Variants in AGBL1 observed in about 807,000 individuals in gnomAD.
AGBL1 encodes cytosolic carboxypeptidase 4.
AGBL1 carries 130 observed loss-of-function variants against 118.9 expected under a neutral mutation model. The observed-to-expected ratio is 1.09, with a 90% CI of 0.95 to 1.26. AGBL1 has a LOEUF of 1.26. Among genes scored for constraint, AGBL1 ranks in the 50% most tolerant of loss-of-function variants. The pLI, the probability that AGBL1 is intolerant of heterozygous loss-of-function variation, is 0.00. For synonymous variants in AGBL1, 555 were observed against 478.9 expected (o/e 1.16, Z -2.08); for missense variants, 1,584 against 1,298.1 (o/e 1.22, Z -3.38).
At chr15:86,689,578 G>A (rs75349411) in intron 22 of AGBL1, among the ~76,000 whole-genome samples, 1 of 152,088 alleles carries the variant, frequency 6.6e-6, no homozygotes, top group East Asian at 1.9e-4. Context: ...TGCAATTGTT[G>A]TTCATTGATG....
intron 5 of AGBL1, among the ~76,000 whole-genome samples, chr15:86,220,114 G>A (rs879530911): frequency 3.9e-5 from 6 of 152,004 alleles, no homozygotes; most frequent in Non-Finnish European, 8.8e-5. Context: ...ACCATGCCCA[G>A]CTAATTTTTT....
At chr15:86,805,457 T>C (rs2078703409) in intron 22 of AGBL1, among the ~76,000 whole-genome samples, 1 of 152,136 alleles carries the variant, frequency 6.6e-6, no homozygotes, top group African/African-American at 2.4e-5. Flanking sequence ...ACTCAGCATC[T>C]AGCCCTCTCT....
chr15:86,364,984 T>TAC (rs1258961620), intron 17 of AGBL1, among the ~76,000 whole-genome samples: 3 of 78,780 alleles, frequency 3.8e-5, no homozygotes, highest in Non-Finnish European at 6.2e-5. Flanking sequence ...TATATATATA[T>TAC]ATATACACAC....
intron 17 of AGBL1, among the ~76,000 whole-genome samples, chr15:86,327,606 T>G (rs1462318087): frequency 6.6e-6 from 1 of 152,196 alleles, no homozygotes; most frequent in Admixed American, 6.5e-5. Flanking sequence ...CAGTGTTTGT[T>G]TATGTTTTCA....
chr15:86,247,043 A>C (rs2078732053), intron 6 of AGBL1, among the ~76,000 whole-genome samples: 1 of 152,184 alleles, frequency 6.6e-6, no homozygotes, highest in Non-Finnish European at 1.5e-5. Flanking sequence ...TCTAATTATG[A>C]ATTTCCTAAA....
rs188186906 is a variant in AGBL1 at position 86,615,558 on chromosome 15, C to T, written c.2995-58715C>T. ...AACCTGAGAAGGCCACACGCCATCC[C>T]GGTGGAGATGGCACAGTGGAGAAGG... On this transcript the variant is annotated intron_variant, in intron 21 of 22. Coordinates refer to ENST00000614907, the MANE Select transcript of AGBL1 (RefSeq NM_001386094.1). This position sits in a 1 kb window ranked among gnomAD's most constrained non-coding sequence, Gnocchi z 4.3. 4.2e-4 allele frequency among the ~76,000 whole-genome samples: 64 copies of T among 152,302 alleles called. 1 individual carries two copies. The highest frequency in any genetic ancestry group is 1.3e-4 in the Non-Finnish European group (9 of 68,026).
chr15:86,780,684 CAG>C (rs1328672860), intron 22 of AGBL1, among the ~76,000 whole-genome samples: 3 of 142,066 alleles, frequency 2.1e-5, no homozygotes, highest in East Asian at 4.2e-4. Context: ...TTTGGTGAGA[CAG>C]AGTCTCGCTC....
intron 21 of AGBL1, among the ~76,000 whole-genome samples, chr15:86,670,650 G>GTATATATA (rs67431863): frequency 2.8e-5 from 4 of 141,104 alleles, no homozygotes; most frequent in South Asian, 4.4e-4. Flanking sequence ...GTGTGTGTGT[G>GTATATATA]TATATATATA....
At chr15:86,186,674 C>T (rs1252748832) in intron 5 of AGBL1, among the ~76,000 whole-genome samples, 1 of 152,196 alleles carries the variant, frequency 6.6e-6, no homozygotes, top group Non-Finnish European at 1.5e-5. Flanking sequence ...GTAAATCTCA[C>T]AGAGGGTATC....
chr15:86,483,025 A>G (rs186887953), intron 18 of AGBL1, among the ~76,000 whole-genome samples: 1 of 152,130 alleles, frequency 6.6e-6, no homozygotes, highest in Non-Finnish European at 1.5e-5. Context: ...GGGAACAAAA[A>G]TTATGCTGAG....
Position 86,847,162 on chromosome 15 carries a change from CTTTA to C in AGBL1, c.3159-59920_3159-59917del, listed in dbSNP as rs967221232. Among the ~76,000 whole-genome samples the C allele has an allele frequency of 1.8e-3, 267 of 152,154 alleles. 2 individuals are homozygous for C. Among genetic ancestry groups the C allele is most frequent in the Middle Eastern group, 6.8e-3 (2 of 292 alleles). On this transcript the variant is annotated intron_variant, in intron 22 of 22. Transcript: ENST00000614907. Reference sequence around the variant, plus strand: ...CTTCATTGAAATTAATCATATTTCTCTTTATTTAAGCATAGTGTTGTTTAGTCCT... The same window carrying C: ...CTTCATTGAAATTAATCATATTTCTCTTTAAGCATAGTGTTGTTTAGTCCT...
intron 21 of AGBL1, among the ~76,000 whole-genome samples, chr15:86,556,009 T>C (rs2083728525): frequency 6.6e-6 from 1 of 152,218 alleles, no homozygotes; most frequent in Admixed American, 6.5e-5. Flanking sequence ...GTCATTTGTT[T>C]AAAAGACAAC....
intron 21 of AGBL1, among the ~76,000 whole-genome samples, chr15:86,652,878 G>A (rs1049748947): frequency 1.3e-5 from 2 of 152,052 alleles, no homozygotes; most frequent in Non-Finnish European, 2.9e-5. Flanking sequence ...GACATTTTGG[G>A]TTGTCCTAAC....
chr15:86,965,364 G>T (rs2081038570), intron 23 of AGBL1, among the ~76,000 whole-genome samples: 1 of 152,074 alleles, frequency 6.6e-6, no homozygotes, highest in South Asian at 2.1e-4. Context: ...GTTTTGGTTT[G>T]CATTTCTCCA....
intron 23 of AGBL1, among the ~76,000 whole-genome samples, chr15:86,935,593 C>T (rs2080661327): frequency 6.6e-6 from 1 of 152,216 alleles, no homozygotes; most frequent in Non-Finnish European, 1.5e-5. Context: ...AGTGGACCAA[C>T]ACAGTCTCTA....
intron 22 of AGBL1, among the ~76,000 whole-genome samples, chr15:86,821,350 CAAA>C (rs1173840907): frequency 6.6e-6 from 1 of 151,910 alleles, no homozygotes; most frequent in Non-Finnish European, 1.5e-5. Flanking sequence ...AACATAACAA[CAAA>C]AAAGCATGTT....
chr15:86,385,751 A>G (rs1287108234), intron 17 of AGBL1, among the ~76,000 whole-genome samples: 1 of 152,158 alleles, frequency 6.6e-6, no homozygotes, highest in Non-Finnish European at 1.5e-5. Flanking sequence ...CAATGGTCAC[A>G]TAAAGTGAAG....
chr15:86,522,327 C>A (rs1476005707), intron 18 of AGBL1, among the ~76,000 whole-genome samples: 1 of 152,158 alleles, frequency 6.6e-6, no homozygotes, highest in Non-Finnish European at 1.5e-5. Flanking sequence ...TGGCCTAGAT[C>A]TCCAGCCATT....
At chr15:86,565,699 CT>C (rs1170878202) in intron 21 of AGBL1, among the ~76,000 whole-genome samples, 1 of 152,216 alleles carries the variant, frequency 6.6e-6, no homozygotes, top group African/African-American at 2.4e-5. Context: ...TTTCTGCTGC[CT>C]TTTGTTTGGC....
Sources: allele counts gnomAD v4.1 joint callset (sites outside exome capture counted in the v4.1 genomes callset), GRCh38; gene constraint gnomAD v4.1.1; non-coding constraint Gnocchi (gnomAD v3.1); transcripts MANE v1.5; gene names NCBI Gene and HGNC (gene_info 2026-07-23, HGNC 2026-07-21).